The following DSCAM variants were observed in gnomAD, a reference collection of about 807,000 sequenced individuals.
The protein encoded by DSCAM is DS cell adhesion molecule.
In DSCAM, 47 loss-of-function variants were observed where a neutral mutation model predicts 217.7. The ratio of observed to expected loss-of-function variants is 0.22; its 90% CI spans 0.17 to 0.28. The LOEUF is 0.28. DSCAM is among the 10% of genes least tolerant of loss of function. The pLI is 1.00. For synonymous variants in DSCAM, 1,056 were observed against 1,015.3 expected (o/e 1.04, Z -0.76); for missense variants, 2,080 against 2,618.3 (o/e 0.79, Z 4.49).
intron 9 of DSCAM, among the ~76,000 whole-genome samples, chr21:40,310,096 G>T (rs1030155767): frequency 1.3e-5 from 2 of 152,120 alleles, no homozygotes; most frequent in Non-Finnish European, 2.9e-5. Flanking sequence ...CTCCAAAGAT[G>T]GTTATTTAAT....
Position 40,135,253 on chromosome 21 carries a change from C to G in DSCAM, c.3407-1244G>C, listed in dbSNP as rs530967765. On this transcript the variant is annotated intron_variant, in intron 18 of 32. Coordinates refer to ENST00000400454, the MANE Select transcript of DSCAM (RefSeq NM_001389.5). ...GTTGAACAGCTCTGATTTGGCAGAC[C>G]TGCTCGTCAACTGACAATCCAGCTG... 2.7e-4 allele frequency among the ~76,000 whole-genome samples: 41 copies of G among 152,338 alleles called. 2 individuals are homozygous for G. In the South Asian group the frequency reaches 7.3e-3, roughly 27 times the overall value.
At chr21:40,671,289 CTG>C (rs1345360555) in intron 3 of DSCAM, among the ~76,000 whole-genome samples, 1 of 152,202 alleles carries the variant, frequency 6.6e-6, no homozygotes, top group Non-Finnish European at 1.5e-5. Flanking sequence ...AGTTTGAACA[CTG>C]TAAAACTTAT....
At chr21:40,482,205 C>T (rs1179549227) in intron 3 of DSCAM, among the ~76,000 whole-genome samples, 2 of 152,158 alleles carry the variant, frequency 1.3e-5, no homozygotes, top group Non-Finnish European at 2.9e-5. Context: ...AATTGCATTT[C>T]TTCCCTACAT....
rs73902643 is a variant in DSCAM, at chr21:40,475,024, A to T, written c.509-105779T>A. ...AAGCCCATCACCCCAAACAGTCAGT[A>T]GGCTTGCTGTTGCCTCACCTACCCT... is the stretch of plus-strand genomic sequence containing the variant. On this transcript the variant is annotated intron_variant, in intron 3 of 32. Transcript: ENST00000400454. 1.2e-3 allele frequency among the ~76,000 whole-genome samples: 178 copies of T among 152,148 alleles called. 1 individual carries two copies. The highest frequency in any genetic ancestry group is 3.9e-3 in the African/African-American group (161 of 41,534).
chr21:40,720,083 G>C (rs2146505269), intron 1 of DSCAM, among the ~76,000 whole-genome samples: 1 of 152,302 alleles, frequency 6.6e-6, no homozygotes, highest in African/African-American at 2.4e-5. Context: ...AATTGCTTCA[G>C]AGAGGTCAGA....
chr21:40,314,066 T>C (rs1355830686), intron 8 of DSCAM, among the ~76,000 whole-genome samples: 2 of 152,220 alleles, frequency 1.3e-5, no homozygotes, highest in African/African-American at 2.4e-5. Flanking sequence ...CTGGGATGTG[T>C]GTGGCAGCAG....
At chr21:40,342,648 ATT>A (rs1202355440) in intron 6 of DSCAM, among the ~76,000 whole-genome samples, 50 of 80,286 alleles carry the variant, frequency 6.2e-4, no homozygotes, top group African/African-American at 7.8e-4. Context: ...ATATATATAT[ATT>A]TTTTTTTTTT....
chr21:40,313,627 A>G (rs1412354929), intron 8 of DSCAM, among the ~76,000 whole-genome samples: 2 of 152,114 alleles, frequency 1.3e-5, no homozygotes, highest in Non-Finnish European at 2.9e-5. Context: ...TTATTGCTTT[A>G]CTTTGCAGAT....
At chr21:40,152,010 G>T (rs73225247) in intron 16 of DSCAM, among the ~76,000 whole-genome samples, 6,197 of 152,042 alleles carry the variant, frequency 0.041, 165 homozygotes, top group African/African-American at 0.064. Context: ...CAGCCGGTGG[G>T]TTACATGTTT....
In DSCAM at chr21:40,082,351, G is replaced by A. The variant is rs554224473; in HGVS notation, c.4231+1557C>T. On this transcript the variant is annotated intron_variant, in intron 24 of 32. Transcript: ENST00000400454. ...GACACGTGCCTGTAGTCCCAGCTACGTGGGAGGCTGAGGCAGGAGAATCAC... is the reference window on the plus strand; with the variant it reads ...GACACGTGCCTGTAGTCCCAGCTACATGGGAGGCTGAGGCAGGAGAATCAC... Among the ~76,000 whole-genome samples the A allele has an allele frequency of 6.6e-5, 10 of 152,268 alleles. No individual in the cohort carries two copies. In the South Asian group the frequency reaches 8.3e-4, roughly 13 times the overall value.
At chr21:40,406,558 C>A (rs1181145265) in intron 3 of DSCAM, among the ~76,000 whole-genome samples, 1 of 152,124 alleles carries the variant, frequency 6.6e-6, no homozygotes, top group Non-Finnish European at 1.5e-5. Flanking sequence ...AAGACAAATA[C>A]CACATGATCT....
chr21:40,364,838 A>G (rs1470144072), intron 4 of DSCAM, among the ~76,000 whole-genome samples: 1 of 149,028 alleles, frequency 6.7e-6, no homozygotes, highest in Non-Finnish European at 1.5e-5. Context: ...CTTAGGATAA[A>G]AAGTACATAT....
At chr21:40,708,218 G>A (rs2090738454) in intron 2 of DSCAM, among the ~76,000 whole-genome samples, 1 of 152,184 alleles carries the variant, frequency 6.6e-6, no homozygotes, top group Admixed American at 6.5e-5. Flanking sequence ...AGGCTGGGAT[G>A]TTAGAACTTG....
chr21:40,395,463 G>A (rs2075170474), intron 3 of DSCAM, among the ~76,000 whole-genome samples: 2 of 151,712 alleles, frequency 1.3e-5, no homozygotes, highest in Admixed American at 1.3e-4. Flanking sequence ...AGGGTTGAGA[G>A]CAATTTGTAA....
rs10607888 is a variant in DSCAM at position 40,516,121 on chromosome 21, T to TAC, written c.509-146878_509-146877dup. Among the ~76,000 whole-genome samples, 1,011 of 150,684 alleles carry TAC rather than the reference T, an allele frequency of 6.7e-3. 9 individuals carry two copies. Among genetic ancestry groups the TAC allele is most frequent in the East Asian group, 0.016 (82 of 5,146 alleles). On this transcript the variant is annotated intron_variant, in intron 3 of 32. Coordinates refer to ENST00000400454, the MANE Select transcript of DSCAM (RefSeq NM_001389.5). ...TTTTATTCTTTTATCTCCCCCACCA[T>TAC]ACACACACACACACACAAATCTTTC...
At chr21:40,805,065 C>G (rs1339603928) in intron 1 of DSCAM, among the ~76,000 whole-genome samples, 1 of 152,192 alleles carries the variant, frequency 6.6e-6, no homozygotes, top group African/African-American at 2.4e-5. Context: ...CCCCCCAACT[C>G]CTAGGGAGCT....
intron 3 of DSCAM, among the ~76,000 whole-genome samples, chr21:40,477,981 AG>A (rs768093540): frequency 6.0e-4 from 91 of 152,238 alleles, no homozygotes; most frequent in South Asian, 2.1e-3. Context: ...AGGACCCCTG[AG>A]CCCCACCCCC....
chr21:40,214,019 C>T (rs559001384), intron 11 of DSCAM, among the ~76,000 whole-genome samples: 1 of 152,280 alleles, frequency 6.6e-6, no homozygotes, highest in South Asian at 2.1e-4. Context: ...AGTCATTGCC[C>T]CCATAGAGCT....
intron 1 of DSCAM, among the ~76,000 whole-genome samples, chr21:40,818,257 A>T (rs1180791818): frequency 6.6e-6 from 1 of 150,862 alleles, no homozygotes; most frequent in Admixed American, 6.6e-5. Context: ...TAAAAAAAAG[A>T]CAAAGTCGGC....
Sources: gnomAD v4.1 joint callset for allele counts (sites outside exome capture counted in the v4.1 genomes callset) on GRCh38, gnomAD v4.1.1 for gene constraint, MANE v1.5 for transcripts, NCBI Gene and HGNC (gene_info 2026-07-23, HGNC 2026-07-21) for gene names.